The following AKAP8 variants were observed in gnomAD, a reference collection of about 807,000 sequenced individuals.
AKAP8 encodes the protein A-kinase anchor protein 8.
AKAP8 carries 24 observed loss-of-function variants against 67.5 expected under a neutral mutation model. That is an observed-to-expected ratio of 0.36 (90% CI 0.26 to 0.50). The LOEUF (loss-of-function observed/expected upper bound fraction) is 0.50, where lower values mean the gene tolerates loss of function less well. Among genes scored for constraint, AKAP8 ranks in the 20% least tolerant of loss-of-function variants. The pLI, the probability that AKAP8 is intolerant of heterozygous loss-of-function variation, is 0.97. For synonymous variants in AKAP8, 400 were observed against 371.1 expected, an observed-to-expected ratio of 1.08 and a Z score of -0.90; for missense variants, 971 against 955.9, an observed-to-expected ratio of 1.02 and a Z score of -0.21.
rs563103585 is a variant in AKAP8 at position 15,354,782 on chromosome 19, C to T, written c.*133G>A. ...GTGAGAGGCACTGCTCAGGAGGAAACGCTGGGTCTCTTCACCAAAATTAGA... is the reference window on the plus strand; with the variant it reads ...GTGAGAGGCACTGCTCAGGAGGAAATGCTGGGTCTCTTCACCAAAATTAGA... On this transcript the variant is annotated 3_prime_UTR_variant, in exon 14 of 14. Coordinates refer to ENST00000269701, the MANE Select transcript of AKAP8 (RefSeq NM_005858.4). 245 of 1,054,394 alleles carry T rather than the reference C, an allele frequency of 2.3e-4. No homozygotes were observed. Among genetic ancestry groups the T allele is most frequent in the Admixed American group, 4.8e-4 (20 of 41,724 alleles). The allele number at this position is 1,054,394 out of a possible 1,614,324, so 65.3% of individuals were successfully genotyped here. A position where few individuals can be genotyped will look rare whatever the true frequency, so the allele number is the denominator to read the frequency against.
At chr19:15,358,253 C>T (rs1966910894) in intron 13 of AKAP8, among the ~76,000 whole-genome samples, 1 of 152,134 alleles carries the variant, frequency 6.6e-6, no homozygotes, top group South Asian at 2.1e-4. Flanking sequence ...ATCATGAAGG[C>T]TCTGGTTCTT....
At chr19:15,377,631 C>G (rs1355686742) in intron 1 of AKAP8, among the ~76,000 whole-genome samples, 2 of 152,104 alleles carry the variant, frequency 1.3e-5, no homozygotes, top group African/African-American at 2.4e-5. Context: ...ACCACGCCCG[C>G]CTAATTTTTT....
intron 9 of AKAP8, among the ~76,000 whole-genome samples, chr19:15,363,770 G>A (rs1340998849): frequency 6.6e-6 from 1 of 152,206 alleles, no homozygotes; most frequent in Non-Finnish European, 1.5e-5. Flanking sequence ...TGTCTGTGTA[G>A]AAAGAGGTAG....
Position 15,366,444 on chromosome 19 carries a change from G to A in AKAP8, c.1160+1791C>T, listed in dbSNP as rs569300367. Among the ~76,000 whole-genome samples, 266 of 151,284 alleles carry A rather than the reference G, an allele frequency of 1.8e-3. 1 individual carries two copies. Among genetic ancestry groups the A allele is most frequent in the African/African-American group, 5.8e-3 (237 of 41,214 alleles). ...ACCACTTAAGAAGAAACAGTTCTGC[G>A]TTTGGTTCCTGGCTTCGTTTTGCTA... On this transcript the variant is annotated intron_variant, in intron 9 of 13. Coordinates refer to ENST00000269701, the MANE Select transcript of AKAP8 (RefSeq NM_005858.4).
intron 9 of AKAP8, among the ~76,000 whole-genome samples, chr19:15,364,577 C>T (rs1195360404): frequency 2.0e-5 from 3 of 152,276 alleles, no homozygotes; most frequent in East Asian, 1.9e-4. Flanking sequence ...TCTCGAACTC[C>T]TGACCTCGTG....
chr19:15,377,089 G>T, intron 1 of AKAP8, 75 bp from the exon 2 acceptor site: 2 of 1,521,792 alleles, frequency 1.3e-6, no homozygotes, highest in South Asian at 2.4e-5. Flanking sequence ...TACTCCTAAA[G>T]GGATCTCCTT....
intron 9 of AKAP8, among the ~76,000 whole-genome samples, chr19:15,363,160 A>G (rs1178157461): frequency 1.9e-3 from 266 of 137,096 alleles, no homozygotes; most frequent in East Asian, 0.014. Flanking sequence ...CCCTCCGCCC[A>G]GCAGCCACCC....
Position 15,372,905 on chromosome 19 carries a change from G to A in AKAP8, c.807C>T (p.Ser269=), listed in dbSNP as rs774038665. Residue 269 remains serine, a synonymous_variant, in exon 5 of 14, where the codon AGC becomes AGT. Transcript: ENST00000269701. ...MGMQGAGGYD[S]TMPYGCGRSQ... Reference sequence around the variant, plus strand: ...AGCGGCCACATCCGTAGGGCATGGTGCTGTCATAGCCGCCCGCCCCCTGCA... The same window carrying A: ...AGCGGCCACATCCGTAGGGCATGGTACTGTCATAGCCGCCCGCCCCCTGCA... 34 of 1,517,514 alleles carry A rather than the reference G, an allele frequency of 2.2e-5. No individual in the cohort carries two copies. The highest frequency in any genetic ancestry group is 2.5e-5 in the Non-Finnish European group (28 of 1,133,440). 94.0% of individuals were successfully genotyped at this position (1,517,514 alleles called of 1,614,324 possible).
intron 2 of AKAP8, among the ~76,000 whole-genome samples, chr19:15,375,340 G>A (rs1302490061): frequency 3.3e-5 from 5 of 152,200 alleles, no homozygotes; most frequent in Non-Finnish European, 2.9e-5. Context: ...CCTTGGCACA[G>A]CCCTTAGGAT....
At position 15,369,095 on chromosome 19, in the gene AKAP8, C is replaced by T. The variant is rs1967113806; in HGVS notation, c.1073-773G>A. ...TGATGCCAGTCCCGAGACTGTCCCA[C>T]GAAGATGGCGACCGGCGTGCGCTGC... On this transcript the variant is annotated intron_variant, in intron 8 of 13. Transcript: ENST00000269701. The surrounding 1 kb of genome is among the most constrained non-coding windows in gnomAD (Gnocchi z 4.6). 7.1e-6 allele frequency: 7 copies of T among 985,472 alleles called. No individual in the cohort carries two copies. The highest frequency in any genetic ancestry group is 8.4e-6 in the Non-Finnish European group (7 of 829,998). 61.0% of individuals were successfully genotyped at this position (985,472 alleles called of 1,614,324 possible).
At chr19:15,355,879 G>C (rs573743845) in intron 13 of AKAP8, among the ~76,000 whole-genome samples, 3 of 152,024 alleles carry the variant, frequency 2.0e-5, no homozygotes, top group African/African-American at 7.2e-5. Flanking sequence ...TGGGATTACA[G>C]GCAGGAGCCA....
At chr19:15,360,584 C>T (rs968960838) in intron 12 of AKAP8, among the ~76,000 whole-genome samples, 2 of 152,210 alleles carry the variant, frequency 1.3e-5, no homozygotes, top group African/African-American at 4.8e-5. Context: ...TGGAAGCCCC[C>T]AGGCCTTCCG....
intron 9 of AKAP8, among the ~76,000 whole-genome samples, chr19:15,365,747 G>A (rs965099746): frequency 6.6e-6 from 1 of 152,128 alleles, no homozygotes; most frequent in East Asian, 1.9e-4. Flanking sequence ...TCATGGCCAG[G>A]CGCGGTGGTT....
At chr19:15,378,367 G>A (rs149990392) in intron 1 of AKAP8, among the ~76,000 whole-genome samples, 8 of 152,194 alleles carry the variant, frequency 5.3e-5, no homozygotes, top group African/African-American at 1.4e-4. Context: ...AAACGCTCCC[G>A]GAAACACAAG....
Position 15,373,908 on chromosome 19 carries a change from C to A in AKAP8, c.249G>T (p.Glu83Asp). 1.2e-6 allele frequency: 2 copies of A among 1,613,814 alleles called. No homozygotes were observed. ...GGGAGTCGGAATTGTCGGTGCATGG[C>A]TCTGGGCCGTAAGAGGCCATGTGCA... Reference protein sequence around the residue: ...PAMHMASYGPEPCTDNSDSLI... With the variant: ...PAMHMASYGPDPCTDNSDSLI... The change falls in exon 4 of 14, where the codon GAG becomes GAT. Residue 83 changes from glutamate (E) to aspartate (D), a missense_variant. Coordinates refer to ENST00000269701, the MANE Select transcript of AKAP8 (RefSeq NM_005858.4).
intron 9 of AKAP8, among the ~76,000 whole-genome samples, chr19:15,366,030 T>TGAA (rs1331901399): frequency 3.8e-5 from 2 of 52,662 alleles, no homozygotes; most frequent in Admixed American, 2.2e-4. Flanking sequence ...TCTCAAAGGA[T>TGAA]AAAAAAAAAA....
At chr19:15,363,264 T>C (rs1265749384) in intron 9 of AKAP8, among the ~76,000 whole-genome samples, 18 of 121,096 alleles carry the variant, frequency 1.5e-4, no homozygotes, top group South Asian at 2.9e-4. Flanking sequence ...CCGCCCCGTC[T>C]GGGAGGTGAG....
Position 15,379,746 on chromosome 19 carries a change from C to A in AKAP8, c.-15G>T. 1 of 1,611,184 alleles carries A rather than the reference C, an allele frequency of 6.2e-7. No homozygotes were observed. The highest frequency in any genetic ancestry group is 8.5e-7 in the Non-Finnish European group (1 of 1,178,974). ...CCCTGGTCCATGTCTTCGACGCGGC[C>A]CACCAGCAGCCCCGTTTACTAGGCG... On this transcript the variant is annotated 5_prime_UTR_variant, in exon 1 of 14. Transcript: ENST00000269701.
intron 9 of AKAP8, among the ~76,000 whole-genome samples, chr19:15,365,804 C>T (rs1967058191): frequency 6.6e-6 from 1 of 152,098 alleles, no homozygotes; most frequent in South Asian, 2.1e-4. Flanking sequence ...GCGTGGATCA[C>T]CTGAGGTCAG....
Sources: gnomAD v4.1 joint callset for allele counts (sites outside exome capture counted in the v4.1 genomes callset) on GRCh38, gnomAD v4.1.1 for gene constraint, Gnocchi (gnomAD v3.1) non-coding constraint, MANE v1.5 for transcripts, NCBI Gene and HGNC (gene_info 2026-07-23, HGNC 2026-07-21) for gene names.